Variants in DSCAM observed in about 807,000 individuals in gnomAD.
DSCAM encodes cell adhesion molecule DSCAM.
A neutral mutation model predicts 217.7 loss-of-function variants in DSCAM; 47 were observed. The observed-to-expected ratio is 0.22, with a 90% CI of 0.17 to 0.28. The LOEUF (loss-of-function observed/expected upper bound fraction) is 0.28. Among genes scored for constraint, DSCAM ranks in the 10% least tolerant of loss-of-function variants. The pLI is 1.00. For missense variants in DSCAM, 2,080 were observed against 2,618.3 expected (o/e 0.79, Z 4.49); for synonymous variants, 1,056 against 1,015.3 (o/e 1.04, Z -0.76).
At chr21:40,583,500 C>T (rs755573874) in intron 3 of DSCAM, among the ~76,000 whole-genome samples, 1 of 152,162 alleles carries the variant, frequency 6.6e-6, no homozygotes, top group Non-Finnish European at 1.5e-5. Context: ...CTGCTGTCCC[C>T]ACCTGTCTCT....
chr21:40,356,795 A>G lies in DSCAM; in HGVS notation c.656-3052T>C, dbSNP rs2074698236. On this transcript the variant is annotated intron_variant, in intron 4 of 32. Transcript: ENST00000400454. Reference sequence around the variant, plus strand: ...GAGTAAATTTCTGTTTTAATAAACAATAACATCAAAAAATCATTTATTAGT... The same window carrying G: ...GAGTAAATTTCTGTTTTAATAAACAGTAACATCAAAAAATCATTTATTAGT... Among the ~76,000 whole-genome samples, 3 of 152,350 alleles carry G rather than the reference A, an allele frequency of 2.0e-5. 1 individual carries two copies. In the South Asian group the frequency reaches 6.2e-4, roughly 32 times the overall value.
intron 20 of DSCAM, among the ~76,000 whole-genome samples, chr21:40,101,032 G>T (rs531831916): frequency 1.6e-4 from 25 of 152,188 alleles, no homozygotes; most frequent in Admixed American, 1.5e-3. Flanking sequence ...CGAAGTTGCC[G>T]CCAGGCATGG....
intron 3 of DSCAM, among the ~76,000 whole-genome samples, chr21:40,691,114 T>C (rs1454574928): frequency 6.6e-6 from 1 of 152,230 alleles, no homozygotes; most frequent in Non-Finnish European, 1.5e-5. Context: ...CTGGTAGATA[T>C]TTCAATTTCT....
chr21:40,014,924 G>C (rs553642019), intron 32 of DSCAM, among the ~76,000 whole-genome samples: 1 of 152,124 alleles, frequency 6.6e-6, no homozygotes, highest in Admixed American at 6.5e-5. Flanking sequence ...ATTTGATGCC[G>C]TTGATATTTT....
chr21:40,588,052 G>C (rs1454859132), intron 3 of DSCAM, among the ~76,000 whole-genome samples: 2 of 152,116 alleles, frequency 1.3e-5, no homozygotes, highest in Non-Finnish European at 2.9e-5. Flanking sequence ...TGCAAAATTG[G>C]TACAAGGAGA....
At chr21:40,499,940 C>T (rs768593661) in intron 3 of DSCAM, among the ~76,000 whole-genome samples, 1 of 152,098 alleles carries the variant, frequency 6.6e-6, no homozygotes, top group Non-Finnish European at 1.5e-5. Flanking sequence ...ACCACCACAC[C>T]TGGCTAATTT....
At chr21:40,216,147 C>T (rs1022453278) in intron 11 of DSCAM, among the ~76,000 whole-genome samples, 3 of 152,038 alleles carry the variant, frequency 2.0e-5, no homozygotes, top group Admixed American at 6.6e-5. Context: ...TCTCTGTCAC[C>T]CAGGCTGGTG....
intron 10 of DSCAM, among the ~76,000 whole-genome samples, chr21:40,286,413 C>T (rs1263695035): frequency 6.6e-6 from 1 of 152,140 alleles, no homozygotes; most frequent in African/African-American, 2.4e-5. Context: ...GAGGCTGGCG[C>T]AGAGTGAAAC....
chr21:40,052,182 T>C lies in DSCAM; in HGVS notation c.5036-75A>G, dbSNP rs887977051. On this transcript the variant is annotated intron_variant, in intron 29 of 32. Coordinates refer to ENST00000400454, the MANE Select transcript of DSCAM (RefSeq NM_001389.5). ...AACCACTCCCTGGCCTTTTCTCTCC[T>C]GAGGCACTTGTGTTATTGTTAATGA... 21 of 1,517,698 alleles carry C rather than the reference T, an allele frequency of 1.4e-5. No individual in the cohort carries two copies. In the African/African-American group the frequency reaches 2.3e-4, roughly 17 times the overall value. The allele number at this position is 1,517,698 out of a possible 1,614,324, so 94.0% of individuals were successfully genotyped here.
At chr21:40,565,059 CA>C (rs1377300995) in intron 3 of DSCAM, among the ~76,000 whole-genome samples, 1 of 152,142 alleles carries the variant, frequency 6.6e-6, no homozygotes, top group Non-Finnish European at 1.5e-5. Context: ...GTTGTGAAGA[CA>C]ACAAAGTAAA....
At chr21:40,498,776 GGT>G (rs1273348278) in intron 3 of DSCAM, among the ~76,000 whole-genome samples, 587 of 21,062 alleles carry the variant, frequency 0.028, 13 homozygotes, top group Admixed American at 0.049. Context: ...TATATATATG[GGT>G]GTGTATATAT....
Position 40,646,044 on chromosome 21 carries a change from T to C in DSCAM, c.508+46766A>G, listed in dbSNP as rs185470088. Among the ~76,000 whole-genome samples, 11 of 152,000 alleles carry C rather than the reference T, an allele frequency of 7.2e-5. No homozygotes were observed. The East Asian group carries it at 2.1e-3, about 29-fold the overall frequency. ...GAGGAGATAAAGTACCACCATGAAG[T>C]TTGAGCCGATGAAGGGAGCAGGCTG... is the stretch of plus-strand genomic sequence containing the variant. On this transcript the variant is annotated intron_variant, in intron 3 of 32. Transcript: ENST00000400454.
chr21:40,406,888 G>A (rs574866354), intron 3 of DSCAM, among the ~76,000 whole-genome samples: 1 of 152,098 alleles, frequency 6.6e-6, no homozygotes, highest in South Asian at 2.1e-4. Flanking sequence ...CAGAATTCTG[G>A]GATTACATAT....
At chr21:40,465,966 C>T (rs953389276) in intron 3 of DSCAM, among the ~76,000 whole-genome samples, 2 of 152,014 alleles carry the variant, frequency 1.3e-5, no homozygotes, top group Non-Finnish European at 2.9e-5. Context: ...GTAGCATATC[C>T]TTGCTGTTTT....
At chr21:40,230,479 G>C (rs1481847801) in intron 11 of DSCAM, among the ~76,000 whole-genome samples, 1 of 151,952 alleles carries the variant, frequency 6.6e-6, no homozygotes, top group African/African-American at 2.4e-5. Context: ...AAAGTCGATG[G>C]GACCAGTCAT....
chr21:40,563,625 TAG>T (rs1421899107), intron 3 of DSCAM, among the ~76,000 whole-genome samples: 4 of 146,922 alleles, frequency 2.7e-5, no homozygotes, highest in African/African-American at 4.9e-5. Flanking sequence ...TGTTTATATA[TAG>T]TTATATGTGT....
intron 3 of DSCAM, among the ~76,000 whole-genome samples, chr21:40,453,489 AT>A (rs1281437581): frequency 6.6e-6 from 1 of 152,184 alleles, no homozygotes; most frequent in Non-Finnish European, 1.5e-5. Context: ...TTTCCTTTGC[AT>A]TTGCAAAACA....
At chr21:40,077,134 G>A (rs193253205) in intron 26 of DSCAM, among the ~76,000 whole-genome samples, 1 of 152,236 alleles carries the variant, frequency 6.6e-6, no homozygotes, top group East Asian at 1.9e-4. Context: ...AAAAGTTGTC[G>A]TCTGGGAGGG....
intron 14 of DSCAM, among the ~76,000 whole-genome samples, chr21:40,186,664 T>G (rs1601421663): frequency 1.3e-5 from 2 of 152,272 alleles, no homozygotes; most frequent in Admixed American, 1.3e-4. Flanking sequence ...AATTTTCCTT[T>G]TTCTGCACCA....
Sources: gnomAD v4.1 joint callset for allele counts (sites outside exome capture counted in the v4.1 genomes callset) on GRCh38, gnomAD v4.1.1 for gene constraint, MANE v1.5 for transcripts, NCBI Gene and HGNC (gene_info 2026-07-23, HGNC 2026-07-21) for gene names.